The following PTK2 variants were observed in gnomAD, a reference collection of about 807,000 sequenced individuals.
PTK2 encodes protein tyrosine kinase 2.
PTK2 carries 45 observed loss-of-function variants against 150.1 expected under a neutral mutation model. The ratio of observed to expected loss-of-function variants is 0.30; its 90% confidence interval spans 0.24 to 0.38. The LOEUF is 0.38. PTK2 is among the 10% of genes least tolerant of loss of function. The pLI is 1.00. For missense variants in PTK2, 919 were observed against 1,307.3 expected, an observed-to-expected ratio of 0.70 and a Z score of 4.58; for synonymous variants, 432 against 449.2, an observed-to-expected ratio of 0.96 and a Z score of 0.48.
chr8:140,799,764 G>A (rs1455693369), intron 12 of PTK2, among the ~76,000 whole-genome samples: 2 of 152,142 alleles, frequency 1.3e-5, no homozygotes, highest in Non-Finnish European at 2.9e-5. Flanking sequence ...CAGAACTGAG[G>A]CTCAGAAAAG....
intron 1 of PTK2, among the ~76,000 whole-genome samples, chr8:140,929,722 C>G (rs2100171043): frequency 6.6e-6 from 1 of 151,898 alleles, no homozygotes; most frequent in South Asian, 2.1e-4. Flanking sequence ...AAAACTTAAA[C>G]TCTGCCACAT....
At chr8:140,959,358 G>A (rs1292346134) in intron 1 of PTK2, among the ~76,000 whole-genome samples, 6 of 148,840 alleles carry the variant, frequency 4.0e-5, no homozygotes, top group East Asian at 4.0e-4. Context: ...GTGAAACCCC[G>A]TCTCTACTAA....
chr8:140,674,395 G>A, exon 29 of PTK2: 1 of 1,594,830 alleles, frequency 6.3e-7, no homozygotes, highest in South Asian at 1.1e-5. Context: ...CTTTGGTGGA[G>A]CTGCAGGATC....
rs150514572 is a variant in PTK2 at position 140,717,640 on chromosome 8, T to C, written c.2100A>G (p.Thr700=). The C allele has an allele frequency of 1.9e-6, 3 of 1,614,082 alleles. No individual in the cohort carries two copies. In the South Asian group the frequency reaches 3.3e-5, roughly 18 times the overall value. The change falls in exon 23 of 32, where the codon ACA becomes ACG. Residue 700 remains threonine, a synonymous_variant. Coordinates refer to ENST00000522684, the Ensembl canonical transcript of PTK2. The stretch of plus-strand genomic sequence containing the variant: ...CAGACCCTCCGGAGTCCCAGGACAC[T>C]GTGGCCTGTCTTCTGGACTCCATCC...
At chr8:140,857,533 T>C (rs762419249) in intron 5 of PTK2, among the ~76,000 whole-genome samples, 1 of 152,190 alleles carries the variant, frequency 6.6e-6, no homozygotes, top group Non-Finnish European at 1.5e-5. Context: ...GGATGCATTA[T>C]AACAATTATT....
At chr8:140,673,109 T>TC (rs1331203959) in intron 29 of PTK2, among the ~76,000 whole-genome samples, 1 of 151,840 alleles carries the variant, frequency 6.6e-6, no homozygotes, top group Non-Finnish European at 1.5e-5. Context: ...TGCATCCTTT[T>TC]TTTTTTTTTT....
chr8:140,693,564 T>TAAAAAAAAAA (rs377205785), intron 26 of PTK2, among the ~76,000 whole-genome samples: 6 of 72,456 alleles, frequency 8.3e-5, no homozygotes, highest in African/African-American at 3.6e-4. Flanking sequence ...TTGTCTCAAT[T>TAAAAAAAAAA]AAAAAAAAAA....
At chr8:140,762,247 A>C (rs181082832) in intron 15 of PTK2, 121 bp downstream of exon 18, 4 of 385,912 alleles carry the variant, frequency 1.0e-5, no homozygotes, top group Non-Finnish European at 1.4e-5. Context: ...TTGATTTAAC[A>C]GTATAAGTAA....
chr8:140,717,906 G>A, intron 22 of PTK2, 197 bp from the exon 26 acceptor site: 1 of 467,112 alleles, frequency 2.1e-6, no homozygotes. Flanking sequence ...GGTCCAAATG[G>A]GCAAGTCCAT....
At chr8:140,976,999 T>C (rs1255106200) in intron 1 of PTK2, among the ~76,000 whole-genome samples, 5 of 152,260 alleles carry the variant, frequency 3.3e-5, no homozygotes, top group Non-Finnish European at 7.3e-5. Flanking sequence ...GTTTGTAATT[T>C]ATCAAACACT....
intron 17 of PTK2, among the ~76,000 whole-genome samples, chr8:140,748,947 A>C (rs2100061157): frequency 6.6e-6 from 1 of 152,238 alleles, no homozygotes; most frequent in Non-Finnish European, 1.5e-5. Flanking sequence ...CAAGCAAGGA[A>C]ATTAGAATAA....
chr8:140,801,642 T>C (rs1270773111), intron 11 of PTK2, among the ~76,000 whole-genome samples: 6 of 152,198 alleles, frequency 3.9e-5, no homozygotes, highest in African/African-American at 1.4e-4. Flanking sequence ...GAACCACAGG[T>C]AGCATGTGCC....
intron 4 of PTK2, among the ~76,000 whole-genome samples, chr8:140,866,103 C>A (rs72683785): frequency 6.6e-6 from 1 of 152,094 alleles, no homozygotes. Context: ...GGCACTATTT[C>A]TCTTAATCAA....
At chr8:140,672,305 A>C (rs73366304) in intron 29 of PTK2, 1 of 320,448 alleles carries the variant, frequency 3.1e-6, no homozygotes, top group Admixed American at 4.3e-5. Context: ...CTGGGACTAT[A>C]GTCATAGAGG....
intron 19 of PTK2, among the ~76,000 whole-genome samples, chr8:140,744,029 G>A (rs529527319): frequency 1.1e-4 from 17 of 149,544 alleles, no homozygotes; most frequent in African/African-American, 3.7e-4. Flanking sequence ...TGCCCGCTTC[G>A]GCCTCCCAAA....
At chr8:140,928,563 A>G (rs2100170555) in intron 1 of PTK2, among the ~76,000 whole-genome samples, 6 of 152,260 alleles carry the variant, frequency 3.9e-5, no homozygotes. Flanking sequence ...CCAGGTGTTC[A>G]TCCACAAATA....
At chr8:140,658,187 T>A (rs1332312532) in exon 32 of PTK2, 2 of 153,546 alleles carry the variant, frequency 1.3e-5, no homozygotes, top group African/African-American at 4.8e-5. Flanking sequence ...ATTTAATAGG[T>A]GACGATGGAA....
At chr8:140,824,305 T>A (rs2100110599) in intron 8 of PTK2, among the ~76,000 whole-genome samples, 1 of 152,216 alleles carries the variant, frequency 6.6e-6, no homozygotes, top group African/African-American at 2.4e-5. Context: ...TGGGAAAACA[T>A]GCTGCTTTTT....
chr8:140,781,797 T>C (rs1045674717), intron 14 of PTK2, among the ~76,000 whole-genome samples: 1 of 152,214 alleles, frequency 6.6e-6, no homozygotes, highest in African/African-American at 2.4e-5. Flanking sequence ...TGCTGATATT[T>C]CAAAACCTAT....
Sources: allele counts gnomAD v4.1 joint callset (sites outside exome capture counted in the v4.1 genomes callset), GRCh38; gene constraint gnomAD v4.1.1; transcripts MANE v1.5; gene names NCBI Gene and HGNC (gene_info 2026-07-23, HGNC 2026-07-21).